Variants in CARMIL1 observed in about 807,000 individuals in gnomAD.
CARMIL1 encodes the protein capping protein regulator and myosin 1 linker 1.
In CARMIL1, 90 loss-of-function variants were observed where a neutral mutation model predicts 177.1. The ratio of observed to expected loss-of-function variants is 0.51; its 90% CI spans 0.43 to 0.61. CARMIL1 has a LOEUF of 0.61. Ranked by LOEUF, CARMIL1 falls within the 20% of genes least tolerant of loss-of-function variation. The pLI is 0.00. For missense variants in CARMIL1, 1,380 were observed against 1,667.0 expected (o/e 0.83, Z 3.00); for synonymous variants, 577 against 606.2 (o/e 0.95, Z 0.71).
In CARMIL1 at chr6:25,330,888, G is replaced by GT. The variant is rs67633087; in HGVS notation, c.138+46000dup. 5.7e-3 allele frequency among the ~76,000 whole-genome samples: 670 copies of GT among 118,166 alleles called. 4 individuals are homozygous for GT. Among genetic ancestry groups the GT allele is most frequent in the Middle Eastern group, 0.014 (3 of 220 alleles). 77.5% of individuals were successfully genotyped at this position (118,166 alleles called of 152,430 possible). The stretch of plus-strand genomic sequence containing the variant: ...TTTTGCTGCTTTACATTTTCAAGAG[G>GT]TTTTTTTTTTTTTTTTTTTTTGAGG... On this transcript the variant is annotated intron_variant, in intron 2 of 36. Coordinates refer to ENST00000329474, the MANE Select transcript of CARMIL1 (RefSeq NM_017640.6).
In CARMIL1 at chr6:25,472,429, A is replaced by T; in HGVS notation, c.782A>T (p.Asp261Val). The change falls in exon 11 of 37, where the codon GAT becomes GTT. Residue 261 changes from aspartate (D) to valine (V), a missense_variant and splice_region_variant. Coordinates refer to ENST00000329474, the MANE Select transcript of CARMIL1 (RefSeq NM_017640.6). ...CTTATTGTTTTGTTTACACGCAGAGATTTTGCACAAAAACTGGCCAGTGCT... is the reference window on the plus strand; with the variant it reads ...CTTATTGTTTTGTTTACACGCAGAGTTTTTGCACAAAAACTGGCCAGTGCT... ...LVLENAGLRTDFAQKLASALA... is the reference protein window; with the variant it reads ...LVLENAGLRTVFAQKLASALA... The T allele has an allele frequency of 6.4e-7, 1 of 1,567,760 alleles. No homozygotes were observed. Among genetic ancestry groups the T allele is most frequent in the Non-Finnish European group, 8.7e-7 (1 of 1,154,688 alleles).
At chr6:25,502,400 C>T (rs746615510) in intron 17 of CARMIL1, among the ~76,000 whole-genome samples, 29 of 151,712 alleles carry the variant, frequency 1.9e-4, no homozygotes, top group African/African-American at 6.8e-4. Flanking sequence ...ACTAAAAATA[C>T]AAAAATTAGC....
intron 15 of CARMIL1, among the ~76,000 whole-genome samples, chr6:25,492,741 C>T (rs557111464): frequency 6.2e-4 from 95 of 152,034 alleles, no homozygotes; most frequent in Non-Finnish European, 1.1e-3. Flanking sequence ...TTTATTTTTG[C>T]TAGTTTTTAA....
intron 2 of CARMIL1, among the ~76,000 whole-genome samples, chr6:25,373,296 C>G (rs947967704): frequency 6.6e-6 from 1 of 151,420 alleles, no homozygotes; most frequent in East Asian, 1.9e-4. Context: ...AGAGGATGCC[C>G]TCTTTCTCAA....
intron 2 of CARMIL1, among the ~76,000 whole-genome samples, chr6:25,332,782 C>CACGCATACACACACACGCAT: frequency 2.0e-5 from 3 of 149,934 alleles, no homozygotes; most frequent in African/African-American, 2.5e-5. Context: ...CGCGCACACA[C>CACGCATACACACACACGCAT]ACACACACAC....
chr6:25,594,782 A>G (rs1814658164), intron 32 of CARMIL1, among the ~76,000 whole-genome samples: 1 of 152,188 alleles, frequency 6.6e-6, no homozygotes, highest in South Asian at 2.1e-4. Flanking sequence ...CTGTATTTTA[A>G]TAAGCCCTCC....
At chr6:25,312,642 G>A (rs1397269865) in intron 2 of CARMIL1, among the ~76,000 whole-genome samples, 1 of 151,780 alleles carries the variant, frequency 6.6e-6, no homozygotes, top group Non-Finnish European at 1.5e-5. Flanking sequence ...ATTCTGGTGG[G>A]GAAACTTTCT....
At chr6:25,602,737 T>C (rs907049757) in intron 33 of CARMIL1, among the ~76,000 whole-genome samples, 3 of 152,192 alleles carry the variant, frequency 2.0e-5, no homozygotes, top group Non-Finnish European at 2.9e-5. Context: ...TTTCTAAAGG[T>C]AGCAACAATA....
intron 1 of CARMIL1, among the ~76,000 whole-genome samples, chr6:25,282,017 A>G (rs1454281799): frequency 6.6e-6 from 1 of 150,570 alleles, no homozygotes; most frequent in African/African-American, 2.4e-5. Flanking sequence ...CGGGAGGCTG[A>G]GGCAGGAGAA....
chr6:25,381,568 T>C (rs892820593), intron 2 of CARMIL1, among the ~76,000 whole-genome samples: 18 of 152,200 alleles, frequency 1.2e-4, no homozygotes, highest in Admixed American at 8.5e-4. Context: ...TCAGTAATTC[T>C]CTATAAAGGC....
intron 8 of CARMIL1, among the ~76,000 whole-genome samples, chr6:25,453,248 G>T (rs1269529890): frequency 7.0e-6 from 1 of 143,080 alleles, no homozygotes. Flanking sequence ...TTTACTATTG[G>T]AAAAAAAAAA....
At position 25,556,567 on chromosome 6, in the gene CARMIL1, A is replaced by G. The variant is rs369366045; in HGVS notation, c.2593-134A>G. On this transcript the variant is annotated intron_variant, in intron 28 of 36. Coordinates refer to ENST00000329474, the MANE Select transcript of CARMIL1 (RefSeq NM_017640.6). ...AGGTAAGTTACTGTACTGTGAATGT[A>G]TTAAGAATTGTCCTTGTCACTCGTC... The G allele has an allele frequency of 1.2e-4, 81 of 682,254 alleles. 1 individual carries two copies. Among genetic ancestry groups the G allele is most frequent in the South Asian group, 1.0e-3 (51 of 49,616 alleles). The allele number at this position is 682,254 out of a possible 1,614,324, so 42.3% of individuals were successfully genotyped here. A position where few individuals can be genotyped will look rare whatever the true frequency, so the allele number is the denominator to read the frequency against.
At chr6:25,601,022 C>T (rs891880876) in intron 33 of CARMIL1, among the ~76,000 whole-genome samples, 1 of 152,100 alleles carries the variant, frequency 6.6e-6, no homozygotes, top group East Asian at 1.9e-4. Flanking sequence ...TTTTCATCTC[C>T]CCCCATGTCC....
At chr6:25,612,235 C>A (rs1158182450) in intron 36 of CARMIL1, 1 of 152,240 alleles carries the variant, frequency 6.6e-6, no homozygotes, top group East Asian at 1.9e-4. Flanking sequence ...AGCTTGTCCG[C>A]TAAGGTTGCC....
chr6:25,452,336 T>G, intron 8 of CARMIL1: 2 of 682,782 alleles, frequency 2.9e-6, no homozygotes, highest in South Asian at 1.6e-5. Flanking sequence ...AAAAGTGAAC[T>G]GAGAAAGAAA....
chr6:25,532,011 T>C (rs980409156), intron 24 of CARMIL1, among the ~76,000 whole-genome samples: 24 of 152,136 alleles, frequency 1.6e-4, no homozygotes, highest in Admixed American at 4.6e-4. Flanking sequence ...CCTCAAGTGA[T>C]CCACCCACCT....
At chr6:25,327,848 A>G (rs1256389207) in intron 2 of CARMIL1, among the ~76,000 whole-genome samples, 2 of 152,236 alleles carry the variant, frequency 1.3e-5, no homozygotes, top group African/African-American at 4.8e-5. Context: ...GTGAGGAAGA[A>G]CAAAAACAGA....
chr6:25,541,974 G>T (rs1468486846), intron 26 of CARMIL1, among the ~76,000 whole-genome samples: 2 of 152,066 alleles, frequency 1.3e-5, no homozygotes, highest in African/African-American at 4.8e-5. Flanking sequence ...GTGTCTTTTG[G>T]ATTTCTTCAA....
chr6:25,573,157 G>A (rs956448718), intron 29 of CARMIL1, among the ~76,000 whole-genome samples: 9 of 152,102 alleles, frequency 5.9e-5, no homozygotes, highest in Admixed American at 3.9e-4. Flanking sequence ...GAGGAGGATG[G>A]GGAGGGGCAC....
Sources: allele counts gnomAD v4.1 joint callset (sites outside exome capture counted in the v4.1 genomes callset), GRCh38; gene constraint gnomAD v4.1.1; transcripts MANE v1.5; gene names NCBI Gene and HGNC (gene_info 2026-07-23, HGNC 2026-07-21).